The following RPS6KA2 variants were observed in gnomAD, a reference collection of about 807,000 sequenced individuals.
RPS6KA2 encodes ribosomal protein S6 kinase A2.
A neutral mutation model predicts 91.8 loss-of-function variants in RPS6KA2; 42 were observed. That is an observed-to-expected ratio of 0.46 (90% CI 0.36 to 0.59). RPS6KA2 has a LOEUF of 0.59. Among genes scored for constraint, RPS6KA2 ranks in the 20% least tolerant of loss-of-function variants. The probability of loss-of-function intolerance (pLI) is 0.00; values close to 1 mark genes in which losing one functional copy is unlikely to be tolerated. For missense variants in RPS6KA2, 798 were observed against 978.5 expected, an observed-to-expected ratio of 0.82 and a Z score of 2.46; for synonymous variants, 414 against 393.6, an observed-to-expected ratio of 1.05 and a Z score of -0.61.
intron 8 of RPS6KA2, among the ~76,000 whole-genome samples, chr6:166,498,273 C>T (rs2128476980): frequency 1.3e-5 from 2 of 152,372 alleles, no homozygotes; most frequent in African/African-American, 4.8e-5. Flanking sequence ...GGTTCGACTC[C>T]TCCCACGTCT....
intron 10 of RPS6KA2, among the ~76,000 whole-genome samples, chr6:166,472,972 C>T (rs2128466258): frequency 6.6e-6 from 1 of 152,238 alleles, no homozygotes; most frequent in Middle Eastern, 3.4e-3. Context: ...GTTCAAGGTT[C>T]AGGGGAACAG....
chr6:166,631,693 C>T (rs991553769), upstream of RPS6KA2, among the ~76,000 whole-genome samples: 9 of 152,274 alleles, frequency 5.9e-5, no homozygotes, highest in South Asian at 2.1e-4. Flanking sequence ...CAGCGGAGCA[C>T]GGCTGGAGTC....
At chr6:166,751,722 C>A (rs977032830) in intron 2 of RPS6KA2, among the ~76,000 whole-genome samples, 1 of 152,266 alleles carries the variant, frequency 6.6e-6, no homozygotes, top group African/African-American at 2.4e-5. Flanking sequence ...TTGCACCATT[C>A]GCATCCTAGT....
chr6:166,715,940 AGG>A (rs1789997150), intron 2 of RPS6KA2, among the ~76,000 whole-genome samples: 1 of 148,278 alleles, frequency 6.7e-6, no homozygotes, highest in African/African-American at 2.5e-5. Context: ...TGGGAGGCTG[AGG>A]CAAAAGAATC....
At chr6:166,555,161 G>A (rs919763470) in intron 1 of RPS6KA2, among the ~76,000 whole-genome samples, 3 of 152,166 alleles carry the variant, frequency 2.0e-5, no homozygotes, top group East Asian at 1.9e-4. Context: ...TCCAAGTCAC[G>A]GTTATTTGTG....
intron 2 of RPS6KA2, among the ~76,000 whole-genome samples, chr6:166,723,101 A>G (rs1790225986): frequency 6.6e-6 from 1 of 152,234 alleles, no homozygotes; most frequent in African/African-American, 2.4e-5. Context: ...TAAAGTTGTC[A>G]ACAAGTCAGG....
At chr6:166,513,453 T>C (rs1337917634) in intron 3 of RPS6KA2, among the ~76,000 whole-genome samples, 1 of 152,210 alleles carries the variant, frequency 6.6e-6, no homozygotes, top group Non-Finnish European at 1.5e-5. Flanking sequence ...TTAAAAGACC[T>C]TGGGGAGCAT....
At position 166,451,242 on chromosome 6, in the gene RPS6KA2, G is replaced by C. The variant is rs370751314; in HGVS notation, c.1076-9C>G. The C allele has an allele frequency of 1.9e-6, 3 of 1,613,660 alleles. No individual in the cohort carries two copies. Among genetic ancestry groups the C allele is most frequent in the Non-Finnish European group, 2.5e-6 (3 of 1,179,872 alleles). On this transcript the variant is annotated splice_polypyrimidine_tract_variant and intron_variant, in intron 12 of 20. Coordinates refer to ENST00000265678, the MANE Select transcript of RPS6KA2 (RefSeq NM_021135.6). ...GGGGACGCCAGGAGAGTCTGTAGGT[G>C]ACAGGGGCAGAGTTCAGATGCCACG...
At chr6:166,592,698 A>AC (rs11419675) in intron 1 of RPS6KA2, among the ~76,000 whole-genome samples, 152,239 of 152,242 alleles carry the variant, frequency 1, 76,118 homozygotes, top group Middle Eastern at 1. Flanking sequence ...ACAGCGCTTC[A>AC]CTTCCAGGAG....
At chr6:166,545,585 T>G (rs1162920818) in intron 1 of RPS6KA2, among the ~76,000 whole-genome samples, 1 of 152,106 alleles carries the variant, frequency 6.6e-6, no homozygotes. Context: ...TCTCTTTCTA[T>G]CCAAACTTGC....
intron 14 of RPS6KA2, among the ~76,000 whole-genome samples, chr6:166,438,428 T>C (rs1779414496): frequency 6.6e-6 from 1 of 152,254 alleles, no homozygotes; most frequent in Admixed American, 6.5e-5. Flanking sequence ...TCACTACAGT[T>C]AACAGCTGGG....
chr6:166,855,492 AGAAGAAGAG>A (rs1290226506), intron 2 of RPS6KA2, among the ~76,000 whole-genome samples: 53 of 124,080 alleles, frequency 4.3e-4, no homozygotes, highest in African/African-American at 1.1e-3. Context: ...AAGAAGAGGA[AGAAGAAGAG>A]GAAGAAGAAG....
chr6:166,482,168 G>T (rs1176288726), intron 10 of RPS6KA2, among the ~76,000 whole-genome samples: 1 of 151,822 alleles, frequency 6.6e-6, no homozygotes, highest in Admixed American at 6.6e-5. Flanking sequence ...CTCTCTGATC[G>T]ATCTTAAAGT....
chr6:166,782,775 C>A (rs6415092), intron 2 of RPS6KA2, among the ~76,000 whole-genome samples: 10 of 152,036 alleles, frequency 6.6e-5, no homozygotes, highest in African/African-American at 1.9e-4. Context: ...CCGGATGCAA[C>A]AGAAGCCAGA....
At chr6:166,739,732 A>G (rs1790760173) in intron 2 of RPS6KA2, among the ~76,000 whole-genome samples, 1 of 152,170 alleles carries the variant, frequency 6.6e-6, no homozygotes, top group Admixed American at 6.5e-5. Context: ...GTGATGGGAG[A>G]GACATCTCCA....
chr6:166,468,544 G>A (rs897234442), intron 11 of RPS6KA2, among the ~76,000 whole-genome samples: 4 of 152,058 alleles, frequency 2.6e-5, no homozygotes, highest in Admixed American at 2.6e-4. Context: ...TGAAATGCGT[G>A]GAGGCCCCGG....
At chr6:166,601,749 G>T (rs1368321996) in intron 1 of RPS6KA2, among the ~76,000 whole-genome samples, 1 of 152,082 alleles carries the variant, frequency 6.6e-6, no homozygotes. Context: ...CACAAAGAAT[G>T]CAAGTCATTA....
At chr6:166,802,647 C>T (rs1345434998) in intron 2 of RPS6KA2, among the ~76,000 whole-genome samples, 2 of 152,150 alleles carry the variant, frequency 1.3e-5, no homozygotes, top group Non-Finnish European at 2.9e-5. Flanking sequence ...TGGGCTCCCC[C>T]AGTTTGCAGC....
intron 1 of RPS6KA2, among the ~76,000 whole-genome samples, chr6:166,562,840 C>T (rs920657482): frequency 2.6e-5 from 4 of 152,158 alleles, no homozygotes; most frequent in Non-Finnish European, 4.4e-5. Flanking sequence ...GCTTTGCAGA[C>T]GAGGTGTCTT....
Sources: allele counts gnomAD v4.1 joint callset (sites outside exome capture counted in the v4.1 genomes callset), GRCh38; gene constraint gnomAD v4.1.1; transcripts MANE v1.5; gene names NCBI Gene and HGNC (gene_info 2026-07-23, HGNC 2026-07-21).